ZBED6: variants seen among roughly 807,000 people sequenced by gnomAD.
ZBED6 encodes the protein zinc finger BED domain-containing protein 6.
Under a neutral mutation model 58.4 loss-of-function variants are expected in ZBED6, and 40 were observed. The observed-to-expected ratio is 0.68, with a 90% CI of 0.53 to 0.89. The LOEUF (loss-of-function observed/expected upper bound fraction) is 0.89, where lower values mean the gene tolerates loss of function less well. ZBED6 is among the 40% of genes least tolerant of loss of function. The pLI is 0.00. For synonymous variants in ZBED6, 439 were observed against 350.6 expected (o/e 1.25, Z -2.82); for missense variants, 1,057 against 1,003.9 (o/e 1.05, Z -0.71).
rs776591855 is a variant in ZBED6 at position 203,847,692 on chromosome 1, CAA to C, written c.*4245+6_*4245+7del. 146 of 1,610,376 alleles carry C rather than the reference CAA, an allele frequency of 9.1e-5. No homozygotes were observed. The highest frequency in any genetic ancestry group is 2.5e-4 in the East Asian group (11 of 44,880). ...TGCGAATCACCAAAAGAACAGGTAA[CAA>C]GAGAACTTGGTCTCTAGTACCACGT... On this transcript the variant is annotated splice_donor_region_variant and intron_variant, in intron 12 of 16. Coordinates refer to ENST00000550078, the Ensembl canonical transcript of ZBED6.
intron 3 of ZBED6, among the ~76,000 whole-genome samples, chr1:203,827,497 G>T (rs1163177859): frequency 6.6e-6 from 1 of 151,672 alleles, no homozygotes; most frequent in African/African-American, 2.4e-5. Context: ...TGGCTAACAT[G>T]GTAAAACCTC....
chr1:203,848,411 A>C lies in ZBED6; in HGVS notation c.*4322+4A>C. The stretch of plus-strand genomic sequence containing the variant: ...TATTAGAACAGAAGCTAAAGAGGTA[A>C]ATTTAAGATTATTGTATGGTTTTGT... On this transcript the variant is annotated splice_donor_region_variant and intron_variant, in intron 13 of 16. Transcript: ENST00000550078. The C allele has an allele frequency of 1.2e-6, 2 of 1,602,794 alleles. No homozygotes were observed. Among genetic ancestry groups the C allele is most frequent in the Non-Finnish European group, 1.7e-6 (2 of 1,175,308 alleles).
intron 1 of ZBED6, among the ~76,000 whole-genome samples, chr1:203,812,147 G>A (rs1229942870): frequency 6.6e-6 from 1 of 152,128 alleles, no homozygotes; most frequent in Non-Finnish European, 1.5e-5. Flanking sequence ...AGGGGTACAT[G>A]TGCAGGATGT....
rs187611508 is a variant in ZBED6 at position 203,818,878 on chromosome 1, G to T, written c.*2873+189G>T. On this transcript the variant is annotated intron_variant, in intron 3 of 16. Coordinates refer to ENST00000550078, the Ensembl canonical transcript of ZBED6. ...AGGTCAGGAGATTGAGACCATCCTA[G>T]CCAACGTGGTGAAACCCCATCTCTA... Among the ~76,000 whole-genome samples the T allele has an allele frequency of 3.9e-3, 586 of 151,844 alleles. 2 individuals are homozygous for T. The highest frequency in any genetic ancestry group is 0.031 in the Middle Eastern group (9 of 292).
At chr1:203,831,493 AC>A (rs1682349323) in intron 7 of ZBED6, among the ~76,000 whole-genome samples, 167 bp from the exon 8 acceptor site, 1 of 152,166 alleles carries the variant, frequency 6.6e-6, no homozygotes, top group African/African-American at 2.4e-5. Flanking sequence ...GGCTCCCCTC[AC>A]CACTACTCCA....
At position 203,805,869 on chromosome 1, in the gene ZBED6, T is replaced by C. The variant is rs558071947; in HGVS notation, c.*2554+2853T>C. 2.5e-5 allele frequency: 21 copies of C among 847,634 alleles called. No homozygotes were observed. The African/African-American group carries it at 3.5e-4, about 14-fold the overall frequency. 52.5% of individuals were successfully genotyped at this position (847,634 alleles called of 1,614,324 possible). On this transcript the variant is annotated intron_variant, in intron 1 of 16. Coordinates refer to ENST00000550078, the Ensembl canonical transcript of ZBED6. ...CATTTGCATCTTCCATCATGTCCACTAGCTGGTCTTGTAAATTCTCAATCT... is the reference window on the plus strand; with the variant it reads ...CATTTGCATCTTCCATCATGTCCACCAGCTGGTCTTGTAAATTCTCAATCT...
At chr1:203,820,079 A>T (rs1029305983) in intron 3 of ZBED6, among the ~76,000 whole-genome samples, 1 of 151,672 alleles carries the variant, frequency 6.6e-6, no homozygotes, top group Non-Finnish European at 1.5e-5. Context: ...TACTAAAAAT[A>T]TAAAAATTAG....
At chr1:203,853,896 G>C (rs1242141941) in exon 17 of ZBED6, 6 of 152,726 alleles carry the variant, frequency 3.9e-5, no homozygotes, top group African/African-American at 1.4e-4. Context: ...AGAATGTTCA[G>C]GTTTCACCAT....
intron 8 of ZBED6, among the ~76,000 whole-genome samples, chr1:203,833,445 T>G (rs1683124161): frequency 6.6e-6 from 1 of 150,520 alleles, no homozygotes; most frequent in South Asian, 2.1e-4. Context: ...ACAGGAGAAT[T>G]GCTTGAACCC....
chr1:203,821,850 T>C (rs553458072), intron 3 of ZBED6, among the ~76,000 whole-genome samples: 1 of 151,916 alleles, frequency 6.6e-6, no homozygotes, highest in South Asian at 2.1e-4. Flanking sequence ...CTCCGCCTCA[T>C]TGGTTCACAC....
At chr1:203,849,486 G>T (rs1331299832) in intron 13 of ZBED6, among the ~76,000 whole-genome samples, 2 of 152,146 alleles carry the variant, frequency 1.3e-5, no homozygotes, top group African/African-American at 4.8e-5. Flanking sequence ...TAGAGTCATG[G>T]TTGTCTAGCC....
intron 3 of ZBED6, among the ~76,000 whole-genome samples, chr1:203,821,999 C>T (rs1234119839): frequency 1.3e-5 from 2 of 152,022 alleles, no homozygotes; most frequent in East Asian, 1.9e-4. Flanking sequence ...CCTCGTGATC[C>T]GCCCGCCTTG....
chr1:203,796,644 A>G (rs1276645296), exon 1 of ZBED6: 2 of 393,768 alleles, frequency 5.1e-6, no homozygotes, highest in Non-Finnish European at 8.9e-6. Context: ...GGATCAATCG[A>G]AAAATGGAAG....
intron 1 of ZBED6, among the ~76,000 whole-genome samples, chr1:203,803,286 G>C (rs1347041867): frequency 6.6e-6 from 1 of 152,020 alleles, no homozygotes; most frequent in East Asian, 1.9e-4. Flanking sequence ...CCTCCTCCCA[G>C]GTTCAAGCAG....
chr1:203,820,653 GT>G (rs1271999308), intron 3 of ZBED6, among the ~76,000 whole-genome samples: 2 of 151,820 alleles, frequency 1.3e-5, no homozygotes, highest in African/African-American at 2.4e-5. Flanking sequence ...AATTTTTTGT[GT>G]TTTTTAGTAG....
intron 1 of ZBED6, among the ~76,000 whole-genome samples, chr1:203,803,966 C>T (rs962364985): frequency 2.6e-5 from 4 of 152,102 alleles, no homozygotes; most frequent in Admixed American, 1.3e-4. Context: ...GTAATAAACT[C>T]TAATTGGGAT....
intron 1 of ZBED6, among the ~76,000 whole-genome samples, chr1:203,808,368 A>AT (rs1673093297): frequency 6.6e-6 from 1 of 152,018 alleles, no homozygotes; most frequent in Admixed American, 6.6e-5. Flanking sequence ...AGTTTGTATG[A>AT]TTTTGTCTTT....
intron 9 of ZBED6, among the ~76,000 whole-genome samples, chr1:203,836,207 A>G (rs1051420544): frequency 6.6e-6 from 1 of 152,178 alleles, no homozygotes; most frequent in African/African-American, 2.4e-5. Context: ...ACATAGCAAG[A>G]CCCTGTCTCT....
At position 203,840,278 on chromosome 1, in the gene ZBED6, T is replaced by C. The variant is rs201899516; in HGVS notation, c.*3673-28T>C. ...CTGTAAAAAGTTTCTGTTCAACTTT[T>C]GATTTTTGAAAATCTTTCTTTTCAC... On this transcript the variant is annotated intron_variant, in intron 10 of 16. Transcript: ENST00000550078. 6.8e-4 allele frequency: 1,100 copies of C among 1,609,894 alleles called. 8 individuals are homozygous for C. In the East Asian group the frequency reaches 0.018, roughly 26 times the overall value.
Sources: gnomAD v4.1 joint callset for allele counts (sites outside exome capture counted in the v4.1 genomes callset) on GRCh38, gnomAD v4.1.1 for gene constraint, MANE v1.5 for transcripts, NCBI Gene and HGNC (gene_info 2026-07-23, HGNC 2026-07-21) for gene names.